COL21A1: variants seen among roughly 807,000 people sequenced by gnomAD.
The protein encoded by COL21A1 is collagen type XXI alpha 1 chain.
A neutral mutation model predicts 137.9 loss-of-function variants in COL21A1; 149 were observed. That is an observed-to-expected ratio of 1.08 (90% CI 0.95 to 1.24). The LOEUF (loss-of-function observed/expected upper bound fraction) is 1.24. COL21A1 is among the 50% of genes most tolerant of loss of function. The pLI is 0.00. For synonymous variants in COL21A1, 456 were observed against 391.5 expected, an observed-to-expected ratio of 1.16 and a Z score of -1.95; for missense variants, 1,167 against 1,158.4, an observed-to-expected ratio of 1.01 and a Z score of -0.11.
intron 10 of COL21A1, among the ~76,000 whole-genome samples, chr6:56,146,706 A>G (rs1774864782): frequency 6.6e-6 from 1 of 152,132 alleles, no homozygotes; most frequent in Admixed American, 6.6e-5. Context: ...TACCATATCC[A>G]CAAAGCCAAA....
chr6:56,251,389 C>T (rs1290246585), upstream of COL21A1, among the ~76,000 whole-genome samples: 1 of 152,132 alleles, frequency 6.6e-6, no homozygotes, highest in African/African-American at 2.4e-5. Flanking sequence ...ATTATATTCC[C>T]ATGGGAACAG....
chr6:56,079,079 T>C (rs1369136875), intron 17 of COL21A1, among the ~76,000 whole-genome samples: 1 of 151,690 alleles, frequency 6.6e-6, no homozygotes, highest in African/African-American at 2.4e-5. Flanking sequence ...GGGCCTCCAT[T>C]TGAATGAACC....
chr6:56,145,704 T>C (rs2152242419), intron 10 of COL21A1, among the ~76,000 whole-genome samples: 1 of 152,278 alleles, frequency 6.6e-6, no homozygotes, highest in Middle Eastern at 3.4e-3. Context: ...GTAACTTTCC[T>C]ATGATCTTTG....
intron 1 of COL21A1, among the ~76,000 whole-genome samples, chr6:56,304,533 G>C (rs1411366673): frequency 2.0e-5 from 3 of 152,244 alleles, no homozygotes; most frequent in Non-Finnish European, 2.9e-5. Flanking sequence ...GGTGTTTACA[G>C]TATTCTCTGA....
chr6:56,166,597 C>T (rs765093268), intron 7 of COL21A1, among the ~76,000 whole-genome samples: 4 of 152,012 alleles, frequency 2.6e-5, no homozygotes, highest in Non-Finnish European at 4.4e-5. Flanking sequence ...GTTGCAGTGA[C>T]CCGAGATTGC....
intron 1 of COL21A1, among the ~76,000 whole-genome samples, chr6:56,334,411 G>T (rs1765295057): frequency 6.6e-6 from 1 of 152,090 alleles, no homozygotes. Context: ...GCACACTTTA[G>T]CTTAGTATAC....
At chr6:56,170,501 G>T in intron 5 of COL21A1, 148 bp downstream of exon 5, 1 of 625,740 alleles carries the variant, frequency 1.6e-6, no homozygotes, top group Non-Finnish European at 2.7e-6. Flanking sequence ...TTCTTTGTTA[G>T]TTTTCTTCAA....
intron 1 of COL21A1, among the ~76,000 whole-genome samples, chr6:56,261,629 T>C (rs1037956493): frequency 1.3e-5 from 2 of 152,218 alleles, no homozygotes; most frequent in African/African-American, 4.8e-5. Flanking sequence ...TGTAAAAAGA[T>C]AATGTTTATT....
At chr6:56,316,008 A>G (rs142112869) in intron 1 of COL21A1, among the ~76,000 whole-genome samples, 129 of 152,314 alleles carry the variant, frequency 8.5e-4, no homozygotes, top group African/African-American at 2.9e-3. Flanking sequence ...CAGTCATACC[A>G]CAATAGATCT....
At chr6:56,178,024 T>G (rs932076856) in intron 3 of COL21A1, among the ~76,000 whole-genome samples, 1 of 152,150 alleles carries the variant, frequency 6.6e-6, no homozygotes, top group African/African-American at 2.4e-5. Flanking sequence ...TTAACTCTTC[T>G]AAGCACATCT....
intron 3 of COL21A1, among the ~76,000 whole-genome samples, chr6:56,173,076 T>C (rs997174434): frequency 3.3e-5 from 5 of 152,148 alleles, no homozygotes; most frequent in Admixed American, 6.6e-5. Context: ...TAAGTGAGTA[T>C]ACTCCTTAAT....
intron 1 of COL21A1, among the ~76,000 whole-genome samples, chr6:56,329,580 T>C (rs1052971013): frequency 6.6e-6 from 1 of 151,994 alleles, no homozygotes; most frequent in Non-Finnish European, 1.5e-5. Context: ...TGTCAGGAAA[T>C]GTTACTGTTT....
At chr6:56,168,735 C>T (rs1561940240) in intron 5 of COL21A1, among the ~76,000 whole-genome samples, 1 of 152,076 alleles carries the variant, frequency 6.6e-6, no homozygotes, top group East Asian at 1.9e-4. Context: ...CTCATTCTCT[C>T]TCTCTGTCTC....
intron 1 of COL21A1, among the ~76,000 whole-genome samples, chr6:56,199,302 T>A (rs9464356): frequency 0.013 from 1,995 of 151,724 alleles, 45 homozygotes; most frequent in African/African-American, 0.045. Context: ...GTTTTTTTTT[T>A]AATCAACCTT....
At position 56,169,825 on chromosome 6, in the gene COL21A1, C is replaced by T. The variant is rs185455460; in HGVS notation, c.1026+824G>A. 2.3e-3 allele frequency among the ~76,000 whole-genome samples: 354 copies of T among 152,054 alleles called. 1 individual carries two copies. Among genetic ancestry groups the T allele is most frequent in the South Asian group, 0.011 (54 of 4,824 alleles). The stretch of plus-strand genomic sequence containing the variant: ...TTGAATATCCTATTGTAAATACGCT[C>T]TTTGAAGGTAAGAAACATGCCTTAT... On this transcript the variant is annotated intron_variant, in intron 5 of 29. Coordinates refer to ENST00000244728, the MANE Select transcript of COL21A1 (RefSeq NM_030820.4).
At chr6:56,293,408 G>A (rs1764098225) in intron 1 of COL21A1, among the ~76,000 whole-genome samples, 1 of 152,020 alleles carries the variant, frequency 6.6e-6, no homozygotes, top group African/African-American at 2.4e-5. Context: ...TTCTTTTAGT[G>A]TAGATGAATG....
At chr6:56,375,781 G>C (rs865825574) in intron 1 of COL21A1, among the ~76,000 whole-genome samples, 2 of 152,156 alleles carry the variant, frequency 1.3e-5, no homozygotes, top group Non-Finnish European at 2.9e-5. Flanking sequence ...GGGTGGGTGT[G>C]GGGGAGAGCT....
At chr6:56,081,935 C>CA (rs372905575) in intron 17 of COL21A1, among the ~76,000 whole-genome samples, 94 of 151,570 alleles carry the variant, frequency 6.2e-4, no homozygotes, top group Middle Eastern at 3.4e-3. Flanking sequence ...TTATAGGCTA[C>CA]AAAAAAAGAG....
intron 12 of COL21A1, among the ~76,000 whole-genome samples, chr6:56,134,932 C>T (rs1335744375): frequency 6.6e-6 from 1 of 151,964 alleles, no homozygotes; most frequent in African/African-American, 2.4e-5. Flanking sequence ...TTGTAAATTG[C>T]CCAGTCTCAG....
Sources: allele counts gnomAD v4.1 joint callset (sites outside exome capture counted in the v4.1 genomes callset), GRCh38; gene constraint gnomAD v4.1.1; transcripts MANE v1.5; gene names NCBI Gene and HGNC (gene_info 2026-07-23, HGNC 2026-07-21).